The following MAP2K5 variants were observed in gnomAD, a reference collection of about 807,000 sequenced individuals.
MAP2K5 encodes the protein mitogen-activated protein kinase kinase 5.
Under a neutral mutation model 83.1 loss-of-function variants are expected in MAP2K5, and 49 were observed. That is an observed-to-expected ratio of 0.59 (90% CI 0.47 to 0.75). MAP2K5 has a LOEUF of 0.75. MAP2K5 is among the 30% of genes least tolerant of loss of function. MAP2K5 has a pLI of 0.00. For missense variants in MAP2K5, 457 were observed against 557.5 expected, an observed-to-expected ratio of 0.82 and a Z score of 1.82; for synonymous variants, 202 against 191.8, an observed-to-expected ratio of 1.05 and a Z score of -0.44.
chr15:67,582,588 G>A (rs1596594762), intron 4 of MAP2K5, among the ~76,000 whole-genome samples: 1 of 152,100 alleles, frequency 6.6e-6, no homozygotes, highest in Non-Finnish European at 1.5e-5. Context: ...GGGAAGCTGA[G>A]GCAGGTGGAT....
At chr15:67,612,380 A>G (rs1177163900) in intron 8 of MAP2K5, among the ~76,000 whole-genome samples, 1 of 152,090 alleles carries the variant, frequency 6.6e-6, no homozygotes, top group Non-Finnish European at 1.5e-5. Context: ...CAGTTTATAT[A>G]TTTTTGTAAC....
rs573784943 is a variant in MAP2K5, at chr15:67,565,463, C to A, written c.252+2113C>A. 1.3e-5 allele frequency among the ~76,000 whole-genome samples: 2 copies of A among 152,126 alleles called. No homozygotes were observed. Among genetic ancestry groups the A allele is most frequent in the Non-Finnish European group, 2.9e-5 (2 of 68,026 alleles). On this transcript the variant is annotated intron_variant, in intron 3 of 21. Coordinates refer to ENST00000178640, the MANE Select transcript of MAP2K5 (RefSeq NM_145160.3). The surrounding 1 kb of genome is among the most constrained non-coding windows in gnomAD (Gnocchi z 4.1). Reference sequence around the variant, plus strand: ...CAGGCTGGTCTCAAACTCCTGACCCCGTGATCCACCCGCCTCGGCCTCCCA... The same window carrying A: ...CAGGCTGGTCTCAAACTCCTGACCCAGTGATCCACCCGCCTCGGCCTCCCA...
intron 21 of MAP2K5, among the ~76,000 whole-genome samples, chr15:67,805,614 G>A (rs755989034): frequency 2.6e-5 from 4 of 152,106 alleles, no homozygotes; most frequent in Non-Finnish European, 4.4e-5. Context: ...TGGGGGGAGC[G>A]AGGAAGCGGC....
chr15:67,672,702 T>C (rs1283589649), intron 13 of MAP2K5, among the ~76,000 whole-genome samples: 1 of 144,950 alleles, frequency 6.9e-6, no homozygotes, highest in Admixed American at 6.9e-5. Flanking sequence ...TTTGTTGCCA[T>C]TGCTTTTGGT....
intron 21 of MAP2K5, among the ~76,000 whole-genome samples, chr15:67,798,260 C>G (rs2090639672): frequency 6.6e-6 from 1 of 152,218 alleles, no homozygotes; most frequent in African/African-American, 2.4e-5. Context: ...CTGCGTGGCC[C>G]AAAACTGCCG....
At chr15:67,629,368 G>A (rs1032645875) in intron 8 of MAP2K5, among the ~76,000 whole-genome samples, 2 of 146,542 alleles carry the variant, frequency 1.4e-5, no homozygotes, top group African/African-American at 2.5e-5. Context: ...AAAGTTTAAA[G>A]CATTCCAACA....
At chr15:67,596,370 C>T (rs2085526584) in intron 7 of MAP2K5, among the ~76,000 whole-genome samples, 2 of 152,008 alleles carry the variant, frequency 1.3e-5, no homozygotes, top group Non-Finnish European at 2.9e-5. Flanking sequence ...GCCAAGACTG[C>T]ACCACTGCAC....
chr15:67,745,123 A>G (rs1328833327), intron 17 of MAP2K5, among the ~76,000 whole-genome samples: 1 of 152,250 alleles, frequency 6.6e-6, no homozygotes, highest in African/African-American at 2.4e-5. Context: ...TGTGACTGGA[A>G]CAATTACTGT....
chr15:67,604,883 G>GA (rs1259155838), intron 8 of MAP2K5, among the ~76,000 whole-genome samples: 52 of 150,230 alleles, frequency 3.5e-4, no homozygotes, highest in Admixed American at 7.3e-4. Flanking sequence ...AACAGAACAA[G>GA]AAAAAAAAAT....
At chr15:67,548,003 C>T (rs1353140983) in intron 1 of MAP2K5, among the ~76,000 whole-genome samples, 1 of 152,358 alleles carries the variant, frequency 6.6e-6, no homozygotes, top group African/African-American at 2.4e-5. Context: ...ATGATTCTCT[C>T]ACTCAAGTTT....
chr15:67,640,323 T>C lies in MAP2K5; in HGVS notation c.586-5908T>C, dbSNP rs2086686160. Among the ~76,000 whole-genome samples, 1 of 152,240 alleles carries C rather than the reference T, an allele frequency of 6.6e-6. No individual in the cohort carries two copies. Among genetic ancestry groups the C allele is most frequent in the African/African-American group, 2.4e-5 (1 of 41,464 alleles). The stretch of plus-strand genomic sequence containing the variant: ...TCACATACAAAATATCTCATAGCGT[T>C]CTTTATATGGACCATTGCTCTCACC... On this transcript the variant is annotated intron_variant, in intron 9 of 21. Transcript: ENST00000178640. The surrounding 1 kb of genome is among the most constrained non-coding windows in gnomAD (Gnocchi z 4.6).
At chr15:67,703,040 C>A (rs1431019739) in intron 15 of MAP2K5, among the ~76,000 whole-genome samples, 1 of 152,084 alleles carries the variant, frequency 6.6e-6, no homozygotes, top group Non-Finnish European at 1.5e-5. Flanking sequence ...TAGGACCTGG[C>A]CTAAATTACC....
rs1325262756 is a variant in MAP2K5, at chr15:67,638,090, T to G, written c.585+7163T>G. Among the ~76,000 whole-genome samples the G allele has an allele frequency of 6.6e-6, 1 of 152,112 alleles. No homozygotes were observed. The highest frequency in any genetic ancestry group is 1.5e-5 in the Non-Finnish European group (1 of 68,010). Reference sequence around the variant, plus strand: ...TTAATTTAACTTTTTTAATTTAACTTTTAAGGGGTACATGTGCAGGTTTGT... The same window carrying G: ...TTAATTTAACTTTTTTAATTTAACTGTTAAGGGGTACATGTGCAGGTTTGT... On this transcript the variant is annotated intron_variant, in intron 9 of 21. Coordinates refer to ENST00000178640, the MANE Select transcript of MAP2K5 (RefSeq NM_145160.3). The surrounding 1 kb of genome is among the most constrained non-coding windows in gnomAD (Gnocchi z 4.5).
intron 21 of MAP2K5, among the ~76,000 whole-genome samples, chr15:67,795,674 A>G (rs1192641671): frequency 2.0e-5 from 3 of 152,216 alleles, no homozygotes; most frequent in Non-Finnish European, 4.4e-5. Context: ...CTTTGCTTGA[A>G]AAAAGTATAT....
rs1382701050 is a variant in MAP2K5, at chr15:67,555,041, G to C, written c.184+4959G>C. Among the ~76,000 whole-genome samples the C allele has an allele frequency of 6.6e-6, 1 of 152,144 alleles. No individual in the cohort carries two copies. The highest frequency in any genetic ancestry group is 1.5e-5 in the Non-Finnish European group (1 of 68,032). On this transcript the variant is annotated intron_variant, in intron 2 of 21. Coordinates refer to ENST00000178640, the MANE Select transcript of MAP2K5 (RefSeq NM_145160.3). This position sits in a 1 kb window ranked among gnomAD's most constrained non-coding sequence, Gnocchi z 5.2. Reference sequence around the variant, plus strand: ...TTTCTGGGTGTGGTGTTTCCAAGGGGAGTTAGGGCTGGATGAGGAGAGGGA... The same window carrying C: ...TTTCTGGGTGTGGTGTTTCCAAGGGCAGTTAGGGCTGGATGAGGAGAGGGA...
At position 67,781,516 on chromosome 15, in the gene MAP2K5, G is replaced by A. The variant is rs959301006; in HGVS notation, c.1242+8764G>A. On this transcript the variant is annotated intron_variant, in intron 21 of 21. Transcript: ENST00000178640. This position sits in a 1 kb window ranked among gnomAD's most constrained non-coding sequence, Gnocchi z 4.0. ...GGCAGTAGAGACATTTGGGCCTACC[G>A]TCCTCTATTTAATTTTCAAGATTAG... 2.6e-5 allele frequency among the ~76,000 whole-genome samples: 4 copies of A among 152,100 alleles called. No homozygotes were observed. The highest frequency in any genetic ancestry group is 2.1e-4 in the South Asian group (1 of 4,812).
At chr15:67,684,743 A>G (rs1750083666) in intron 13 of MAP2K5, among the ~76,000 whole-genome samples, 1 of 152,218 alleles carries the variant, frequency 6.6e-6, no homozygotes, top group African/African-American at 2.4e-5. Flanking sequence ...ACATGAGCAT[A>G]ATGAGAGAAA....
In MAP2K5 at chr15:67,542,729, ACCGCCGTCGCCGCCGCCG is replaced by A; in HGVS notation, c.-605_-588del. 1 of 97,432 alleles carries A rather than the reference ACCGCCGTCGCCGCCGCCG, an allele frequency of 1.0e-5. No homozygotes were observed. The highest frequency in any genetic ancestry group is 2.5e-5 in the Non-Finnish European group (1 of 39,422). 6.0% of individuals were successfully genotyped at this position (97,432 alleles called of 1,614,324 possible). A position where few individuals can be genotyped will look rare whatever the true frequency, so the allele number is the denominator to read the frequency against. On this transcript the variant is annotated 5_prime_UTR_variant, in exon 1 of 22. Coordinates refer to ENST00000178640, the MANE Select transcript of MAP2K5 (RefSeq NM_145160.3). ...CCTTCCTCCTCCTCCTCTCGCCGCT[ACCGCCGTCGCCGCCGCCG>A]CAGCCGCCGCCAGTCCGCGCGGCCT...
chr15:67,782,270 T>C lies in MAP2K5; in HGVS notation c.1242+9518T>C, dbSNP rs1174527196. ...AGTAGCTTTAGATGTGAAATGAGTGTTAAGTATTAGTAATCGGGAGATTAG... is the reference window on the plus strand; with the variant it reads ...AGTAGCTTTAGATGTGAAATGAGTGCTAAGTATTAGTAATCGGGAGATTAG... On this transcript the variant is annotated intron_variant, in intron 21 of 21. Coordinates refer to ENST00000178640, the MANE Select transcript of MAP2K5 (RefSeq NM_145160.3). The surrounding 1 kb of genome is among the most constrained non-coding windows in gnomAD (Gnocchi z 4.9). Among the ~76,000 whole-genome samples the C allele has an allele frequency of 1.3e-5, 2 of 152,226 alleles. No individual in the cohort carries two copies. Among genetic ancestry groups the C allele is most frequent in the Non-Finnish European group, 2.9e-5 (2 of 68,036 alleles).
Sources: allele counts gnomAD v4.1 joint callset (sites outside exome capture counted in the v4.1 genomes callset), GRCh38; gene constraint gnomAD v4.1.1; non-coding constraint Gnocchi (gnomAD v3.1); transcripts MANE v1.5; gene names NCBI Gene and HGNC (gene_info 2026-07-23, HGNC 2026-07-21).